Variants in TEAD4 observed in about 807,000 individuals in gnomAD.
TEAD4 encodes TEA domain transcription factor 4.
In TEAD4, 36 loss-of-function variants were observed where a neutral mutation model predicts 52.4. That is an observed-to-expected ratio of 0.69 (90% CI 0.53 to 0.91). The LOEUF is 0.91. Among genes scored for constraint, TEAD4 ranks in the 40% least tolerant of loss-of-function variants. The pLI, the probability that TEAD4 is intolerant of heterozygous loss-of-function variation, is 0.00. For missense variants in TEAD4, 508 were observed against 583.9 expected, an observed-to-expected ratio of 0.87 and a Z score of 1.34; for synonymous variants, 220 against 231.0, an observed-to-expected ratio of 0.95 and a Z score of 0.43.
At chr12:2,967,418 A>G (rs188050417) in intron 2 of TEAD4, among the ~76,000 whole-genome samples, 16 of 152,334 alleles carry the variant, frequency 1.1e-4, no homozygotes, top group Admixed American at 3.3e-4. Flanking sequence ...TGACTATACT[A>G]TATTTAACTA....
At chr12:2,964,936 T>C (rs1427233046) in intron 2 of TEAD4, among the ~76,000 whole-genome samples, 4 of 152,066 alleles carry the variant, frequency 2.6e-5, no homozygotes, top group Non-Finnish European at 5.9e-5. Context: ...ACAAGCTGCT[T>C]TGCCTGAGTT....
At chr12:3,014,550 A>G (rs2098262827) in intron 5 of TEAD4, among the ~76,000 whole-genome samples, 1 of 152,244 alleles carries the variant, frequency 6.6e-6, no homozygotes, top group Non-Finnish European at 1.5e-5. Context: ...GTGATCCAAT[A>G]GAAATCCCTG....
intron 10 of TEAD4, among the ~76,000 whole-genome samples, chr12:3,022,684 G>A (rs139831199): frequency 1.3e-3 from 193 of 152,294 alleles, no homozygotes; most frequent in Middle Eastern, 6.8e-3. Flanking sequence ...GCTGCTCTGG[G>A]AGCTTAGCTT....
chr12:3,018,640 A>G (rs1565545507), intron 7 of TEAD4, 52 bp downstream of exon 7: 1 of 1,611,746 alleles, frequency 6.2e-7, no homozygotes. Flanking sequence ...ACTGAACTTG[A>G]ACCCATAAAC....
intron 2 of TEAD4, among the ~76,000 whole-genome samples, chr12:2,977,081 C>T (rs1342264072): frequency 8.6e-5 from 2 of 23,180 alleles, no homozygotes; most frequent in Admixed American, 5.4e-4. Flanking sequence ...GGGCCAGGCT[C>T]TGTGCTCATG....
At chr12:3,026,830 C>T (rs1173430299) in intron 10 of TEAD4, among the ~76,000 whole-genome samples, 1 of 152,178 alleles carries the variant, frequency 6.6e-6, no homozygotes, top group Admixed American at 6.5e-5. Flanking sequence ...ATCTCTGCCA[C>T]ACCTTCTGTT....
At chr12:3,033,316 T>C (rs1163338297) in intron 10 of TEAD4, among the ~76,000 whole-genome samples, 3 of 152,200 alleles carry the variant, frequency 2.0e-5, no homozygotes, top group African/African-American at 7.2e-5. Context: ...CTGCTAGGGC[T>C]GTGCACAGCC....
At chr12:3,010,432 C>T (rs932517088) in intron 3 of TEAD4, among the ~76,000 whole-genome samples, 8 of 152,242 alleles carry the variant, frequency 5.3e-5, no homozygotes, top group African/African-American at 1.4e-4. Flanking sequence ...CACATGTGCA[C>T]TGACTGGCTT....
chr12:2,970,397 C>T (rs1292620343), intron 2 of TEAD4, among the ~76,000 whole-genome samples: 2 of 152,342 alleles, frequency 1.3e-5, no homozygotes, highest in Middle Eastern at 3.4e-3. Flanking sequence ...TAGAACCAAC[C>T]TCATACGGTG....
intron 3 of TEAD4, among the ~76,000 whole-genome samples, chr12:3,003,344 T>A (rs990842940): frequency 6.6e-6 from 1 of 152,162 alleles, no homozygotes; most frequent in African/African-American, 2.4e-5. Flanking sequence ...GAGTGGTGCG[T>A]GCTTTACTTA....
chr12:2,981,744 G>C (rs1229927839), intron 2 of TEAD4, among the ~76,000 whole-genome samples: 1 of 152,200 alleles, frequency 6.6e-6, no homozygotes, highest in African/African-American at 2.4e-5. Context: ...AGTATGAACA[G>C]ACTTGGGGCT....
chr12:3,014,082 C>A (rs545446830), intron 5 of TEAD4, among the ~76,000 whole-genome samples: 1 of 152,328 alleles, frequency 6.6e-6, no homozygotes, highest in South Asian at 2.1e-4. Context: ...GTTCCCCAAG[C>A]CCCACAGCTG....
In TEAD4 at chr12:3,020,681, G is replaced by C; in HGVS notation, c.631G>C (p.Ala211Pro). ...CGCCCCATCGCCCTCTGCGCCCCCG[G>C]CACCCCCATGGCAGGGCCGCAGCGT... Residue 211 changes from alanine to proline, a missense_variant, in exon 9 of 13, where the codon GCA becomes CCA. Physicochemically the swap from Ala to Pro is conservative, Grantham distance 27. Transcript: ENST00000359864. The C allele has an allele frequency of 2.5e-6, 4 of 1,605,178 alleles. No homozygotes were observed. Among genetic ancestry groups the C allele is most frequent in the Non-Finnish European group, 3.4e-6 (4 of 1,175,232 alleles).
chr12:2,991,844 A>C (rs771340724), intron 2 of TEAD4, among the ~76,000 whole-genome samples: 2 of 151,888 alleles, frequency 1.3e-5, no homozygotes, highest in African/African-American at 4.8e-5. Flanking sequence ...CACTTGTTAC[A>C]CTAAAAAGGC....
chr12:2,960,422 C>A, intron 2 of TEAD4: 1 of 939,124 alleles, frequency 1.1e-6, no homozygotes, highest in South Asian at 4.9e-5. Context: ...AAAGGTCCTA[C>A]ACCTCAGGGC....
At chr12:2,989,473 C>T (rs546346909) in intron 2 of TEAD4, among the ~76,000 whole-genome samples, 49 of 152,270 alleles carry the variant, frequency 3.2e-4, no homozygotes, top group Admixed American at 2.5e-3. Context: ...GAATCTCCTT[C>T]TGTCGCCCAG....
At chr12:2,996,180 G>A (rs1373439258) in intron 3 of TEAD4, among the ~76,000 whole-genome samples, 5 of 151,982 alleles carry the variant, frequency 3.3e-5, no homozygotes, top group African/African-American at 1.2e-4. Context: ...CAGTGACAAC[G>A]GGGCCCCTGC....
intron 8 of TEAD4, among the ~76,000 whole-genome samples, chr12:3,019,904 T>G (rs765180381): frequency 1.3e-5 from 2 of 152,174 alleles, no homozygotes; most frequent in Non-Finnish European, 2.9e-5. Flanking sequence ...CTCATGCCAG[T>G]CTTCTGTCCA....
At chr12:2,974,470 T>A (rs2153953057) in intron 2 of TEAD4, among the ~76,000 whole-genome samples, 1 of 152,320 alleles carries the variant, frequency 6.6e-6, no homozygotes, top group South Asian at 2.1e-4. Flanking sequence ...CCTGCTCCTA[T>A]GTCCTCAGAG....
Sources: allele counts gnomAD v4.1 joint callset (sites outside exome capture counted in the v4.1 genomes callset), GRCh38; gene constraint gnomAD v4.1.1; transcripts MANE v1.5; gene names NCBI Gene and HGNC (gene_info 2026-07-23, HGNC 2026-07-21).